Variants in TAFA1 observed in about 807,000 individuals in gnomAD.
TAFA1 encodes TAFA chemokine like family member 1.
Under a neutral mutation model 18.5 loss-of-function variants are expected in TAFA1, and 4 were observed. The ratio of observed to expected loss-of-function variants is 0.22; its 90% CI spans 0.11 to 0.49. TAFA1 has a LOEUF of 0.49. TAFA1 is among the 20% of genes least tolerant of loss of function. The pLI, the probability that TAFA1 is intolerant of heterozygous loss-of-function variation, is 0.98. For synonymous variants in TAFA1, 56 were observed against 55.2 expected (o/e 1.01, Z -0.06); for missense variants, 147 against 169.0 (o/e 0.87, Z 0.72).
At chr3:68,429,309 C>T (rs1003327611) in intron 3 of TAFA1, among the ~76,000 whole-genome samples, 1 of 151,848 alleles carries the variant, frequency 6.6e-6, no homozygotes, top group Non-Finnish European at 1.5e-5. Context: ...GTGTGCCAGA[C>T]TCTGTGTATT....
intron 3 of TAFA1, among the ~76,000 whole-genome samples, chr3:68,515,930 C>G (rs1418978621): frequency 1.3e-5 from 2 of 152,172 alleles, no homozygotes; most frequent in African/African-American, 4.8e-5. Flanking sequence ...AGCATAGTAG[C>G]CTAAGAAGTT....
intron 3 of TAFA1, among the ~76,000 whole-genome samples, chr3:68,501,713 G>C (rs1221001932): frequency 6.6e-6 from 1 of 152,140 alleles, no homozygotes; most frequent in Non-Finnish European, 1.5e-5. Context: ...GTTATAATTA[G>C]GCTATTATTT....
intron 2 of TAFA1, among the ~76,000 whole-genome samples, chr3:68,178,687 A>G (rs2066157509): frequency 6.6e-6 from 1 of 152,268 alleles, no homozygotes; most frequent in African/African-American, 2.4e-5. Context: ...AAAGACAGCT[A>G]CTTGGCTGGA....
intron 2 of TAFA1, among the ~76,000 whole-genome samples, chr3:68,054,249 T>C (rs1323311358): frequency 6.6e-6 from 1 of 152,118 alleles, no homozygotes; most frequent in East Asian, 1.9e-4. Context: ...TAGATGAATG[T>C]CTTCCCTTTG....
rs139925766 is a variant in TAFA1, at chr3:68,213,924, A to G, written c.119-203356A>G. Among the ~76,000 whole-genome samples, 37 of 152,202 alleles carry G rather than the reference A, an allele frequency of 2.4e-4. No homozygotes were observed. The East Asian group carries it at 7.2e-3, about 30-fold the overall frequency. Reference sequence around the variant, plus strand: ...AAGTTATTTGATTTTTGCCTGCCTTAACCTCAGATGGTTATTATACACACA... The same window carrying G: ...AAGTTATTTGATTTTTGCCTGCCTTGACCTCAGATGGTTATTATACACACA... On this transcript the variant is annotated intron_variant, in intron 2 of 4. Coordinates refer to ENST00000478136, the MANE Select transcript of TAFA1 (RefSeq NM_213609.4).
chr3:68,337,120 GA>G (rs76484203), intron 2 of TAFA1, among the ~76,000 whole-genome samples: 3,649 of 152,260 alleles, frequency 0.024, 67 homozygotes, highest in East Asian at 0.097. Flanking sequence ...CTTCTTTATA[GA>G]AAGAACTACC....
At chr3:68,405,699 CAAAAAAAAAAAAAAAAAAAAAAA>C (rs56258198) in intron 2 of TAFA1, among the ~76,000 whole-genome samples, 20 of 32,888 alleles carry the variant, frequency 6.1e-4, no homozygotes, top group African/African-American at 7.1e-4. Context: ...GACTCTATCT[CAAAAAAAAAAAAAAAAAAAAAAA>C]AAAAAAAAAA....
chr3:68,416,267 T>A (rs2070835982), intron 2 of TAFA1, among the ~76,000 whole-genome samples: 1 of 152,198 alleles, frequency 6.6e-6, no homozygotes, highest in Admixed American at 6.5e-5. Context: ...TTTTTCACAA[T>A]GTTTTCTAAG....
At chr3:68,192,034 C>A (rs1318877541) in intron 2 of TAFA1, among the ~76,000 whole-genome samples, 1 of 151,618 alleles carries the variant, frequency 6.6e-6, no homozygotes, top group Admixed American at 6.6e-5. Context: ...TTTCCCTTTC[C>A]TTTCTAAAGT....
chr3:68,299,445 G>T (rs961782239), intron 2 of TAFA1, among the ~76,000 whole-genome samples: 2 of 152,198 alleles, frequency 1.3e-5, no homozygotes, highest in Non-Finnish European at 2.9e-5. Context: ...TATTCACAAA[G>T]AGATGGTTTG....
At chr3:68,064,772 T>G (rs993424406) in intron 2 of TAFA1, among the ~76,000 whole-genome samples, 1 of 151,932 alleles carries the variant, frequency 6.6e-6, no homozygotes, top group African/African-American at 2.4e-5. Flanking sequence ...TTTATGCCAT[T>G]GTATAATATT....
chr3:68,376,609 G>C (rs1490892991), intron 2 of TAFA1, among the ~76,000 whole-genome samples: 1 of 152,160 alleles, frequency 6.6e-6, no homozygotes, highest in Non-Finnish European at 1.5e-5. Flanking sequence ...CAGCTGCGTA[G>C]TATTCCATGG....
intron 2 of TAFA1, among the ~76,000 whole-genome samples, chr3:68,271,762 TC>T (rs1013224213): frequency 2.0e-5 from 3 of 151,730 alleles, no homozygotes; most frequent in Admixed American, 6.6e-5. Flanking sequence ...GTATTTCATC[TC>T]CCCCCTTCCA....
At chr3:68,255,725 G>A (rs955297183) in intron 2 of TAFA1, among the ~76,000 whole-genome samples, 1 of 151,838 alleles carries the variant, frequency 6.6e-6, no homozygotes, top group African/African-American at 2.4e-5. Context: ...ATTTTTTAAG[G>A]GACCCTAGGC....
intron 2 of TAFA1, among the ~76,000 whole-genome samples, chr3:68,110,826 G>GA (rs138995326): frequency 1.3e-4 from 19 of 150,890 alleles, no homozygotes; most frequent in African/African-American, 2.4e-4. Flanking sequence ...CTTGGAAAAT[G>GA]AAAAAAAAAC....
chr3:68,523,924 C>T (rs916746330), intron 3 of TAFA1, among the ~76,000 whole-genome samples: 3 of 152,154 alleles, frequency 2.0e-5, no homozygotes, highest in Non-Finnish European at 4.4e-5. Flanking sequence ...TATACCAGTA[C>T]ATTGTCTTTA....
chr3:68,040,406 C>T (rs9853286), intron 2 of TAFA1, among the ~76,000 whole-genome samples: 10,010 of 152,104 alleles, frequency 0.066, 449 homozygotes, highest in South Asian at 0.17. Context: ...GGTCACTGCT[C>T]CTATAGGTGG....
intron 2 of TAFA1, among the ~76,000 whole-genome samples, chr3:68,196,615 A>C (rs976980480): frequency 2.0e-5 from 3 of 151,722 alleles, no homozygotes; most frequent in Admixed American, 2.0e-4. Context: ...TCTGCCTCTC[A>C]TTCTTACTCC....
At chr3:68,508,806 C>A (rs1263604067) in intron 3 of TAFA1, among the ~76,000 whole-genome samples, 1 of 151,906 alleles carries the variant, frequency 6.6e-6, no homozygotes, top group Non-Finnish European at 1.5e-5. Context: ...CAAGTAACAA[C>A]ATTAAATAAA....
Sources: gnomAD v4.1 joint callset for allele counts (sites outside exome capture counted in the v4.1 genomes callset) on GRCh38, gnomAD v4.1.1 for gene constraint, MANE v1.5 for transcripts, NCBI Gene and HGNC (gene_info 2026-07-23, HGNC 2026-07-21) for gene names.